The following BMP2K variants were observed in gnomAD, a reference collection of about 807,000 sequenced individuals.
BMP2K encodes the protein BMP-2-inducible protein kinase.
In BMP2K, 74 loss-of-function variants were observed where a neutral mutation model predicts 116.0. The observed-to-expected ratio is 0.64, with a 90% CI of 0.53 to 0.77. The LOEUF is 0.77. Among genes scored for constraint, BMP2K ranks in the 30% least tolerant of loss-of-function variants. BMP2K has a pLI of 0.00. For synonymous variants in BMP2K, 486 were observed against 502.5 expected (o/e 0.97, Z 0.44); for missense variants, 1,365 against 1,403.6 (o/e 0.97, Z 0.44).
intron 5 of BMP2K, among the ~76,000 whole-genome samples, chr4:78,845,798 T>G (rs760643701): frequency 2.0e-5 from 3 of 151,718 alleles, no homozygotes; most frequent in Non-Finnish European, 4.4e-5. Flanking sequence ...CCTAATACTA[T>G]GTCAGAGCCA....
chr4:78,874,626 G>A (rs1732545899), intron 13 of BMP2K, among the ~76,000 whole-genome samples: 1 of 152,102 alleles, frequency 6.6e-6, no homozygotes, highest in African/African-American at 2.4e-5. Context: ...CATATATATT[G>A]TGTATACTTC....
chr4:78,805,102 T>C (rs1455873180), intron 1 of BMP2K, among the ~76,000 whole-genome samples: 1 of 152,230 alleles, frequency 6.6e-6, no homozygotes, highest in Non-Finnish European at 1.5e-5. Context: ...ATGTGAGTTA[T>C]AGGTCAAACT....
At chr4:78,838,019 C>T (rs1256945700) in intron 3 of BMP2K, among the ~76,000 whole-genome samples, 2 of 152,120 alleles carry the variant, frequency 1.3e-5, no homozygotes, top group Non-Finnish European at 2.9e-5. Context: ...GTACTCGAGA[C>T]AGGGCAATTT....
intron 14 of BMP2K, among the ~76,000 whole-genome samples, chr4:78,881,904 A>G (rs1194661574): frequency 6.6e-6 from 1 of 152,052 alleles, no homozygotes; most frequent in African/African-American, 2.4e-5. Flanking sequence ...AATGTAGGAT[A>G]TTTGTACCCT....
chr4:78,869,632 G>T (rs1732233499), intron 10 of BMP2K, among the ~76,000 whole-genome samples: 1 of 152,014 alleles, frequency 6.6e-6, no homozygotes, highest in Non-Finnish European at 1.5e-5. Context: ...TGTACTCCAT[G>T]AATATGTACA....
intron 1 of BMP2K, among the ~76,000 whole-genome samples, chr4:78,822,734 A>G (rs1171755313): frequency 6.6e-6 from 1 of 152,176 alleles, no homozygotes; most frequent in Non-Finnish European, 1.5e-5. Flanking sequence ...CAATAATCTT[A>G]TGATTTGTGT....
At chr4:78,864,249 AAG>A (rs746470017) in intron 9 of BMP2K, among the ~76,000 whole-genome samples, 7 of 151,554 alleles carry the variant, frequency 4.6e-5, no homozygotes, top group Non-Finnish European at 1.0e-4. Flanking sequence ...TGGATAGTTA[AAG>A]AGAGAGATTG....
rs781038280 is a variant in BMP2K at position 78,910,680 on chromosome 4, C to T, written c.2133C>T (p.Asn711=). The T allele has an allele frequency of 2.2e-5, 36 of 1,607,096 alleles. No homozygotes were observed. The highest frequency in any genetic ancestry group is 2.2e-5 in the East Asian group (1 of 44,840). Reference sequence around the variant, plus strand: ...ATGGCACTGCAAACCCTATCAAGAACGGTAAAACAAGTCCAGCATCTAAAG... The same window carrying T: ...ATGGCACTGCAAACCCTATCAAGAATGGTAAAACAAGTCCAGCATCTAAAG... The part of the protein sequence containing the change: ...QENGTANPIK[N]GKTSPASKDQ... The change falls in exon 16 of 16, where the codon AAC becomes AAT. Residue 711 remains asparagine (N), a synonymous_variant. Coordinates refer to ENST00000502613, the MANE Select transcript of BMP2K (RefSeq NM_198892.2).
chr4:78,889,464 C>G (rs1343268483), intron 15 of BMP2K, among the ~76,000 whole-genome samples: 1 of 152,086 alleles, frequency 6.6e-6, no homozygotes, highest in Non-Finnish European at 1.5e-5. Context: ...GTTAAAAAAT[C>G]TAAATATATT....
At chr4:78,783,288 G>C (rs1268631378) in intron 1 of BMP2K, among the ~76,000 whole-genome samples, 1 of 152,106 alleles carries the variant, frequency 6.6e-6, no homozygotes, top group Non-Finnish European at 1.5e-5. Context: ...TGCAACAAAG[G>C]ACACTATATA....
At chr4:78,909,876 C>T (rs927896616) in intron 15 of BMP2K, among the ~76,000 whole-genome samples, 2 of 152,114 alleles carry the variant, frequency 1.3e-5, no homozygotes, top group African/African-American at 2.4e-5. Context: ...ATATTTCTTT[C>T]GTTGAATGAA....
chr4:78,870,925 T>TCACCAG lies in BMP2K; in HGVS notation c.1377_1382dup (p.His459_Gln460dup), dbSNP rs777087113. 6 of 1,608,554 alleles carry TCACCAG rather than the reference T, an allele frequency of 3.7e-6. No individual in the cohort carries two copies. The Admixed American group carries it at 1.0e-4, about 27-fold the overall frequency. ...AACTCCATTTACAGCATCGTCATCC[T>TCACCAG]CACCAGCAGCAGCAGCAGCAGCAGC... On this transcript the variant is annotated inframe_insertion, in exon 11 of 16. Transcript: ENST00000502613.
intron 9 of BMP2K, among the ~76,000 whole-genome samples, chr4:78,865,232 C>T (rs762607189): frequency 2.6e-5 from 4 of 152,124 alleles, no homozygotes; most frequent in Non-Finnish European, 5.9e-5. Flanking sequence ...TGTCCAAAAG[C>T]TTATGAAAAG....
chr4:78,801,529 A>G (rs1463065366), intron 1 of BMP2K, among the ~76,000 whole-genome samples: 5 of 152,068 alleles, frequency 3.3e-5, no homozygotes, highest in Non-Finnish European at 5.9e-5. Context: ...TAGCTTTCTA[A>G]TTTGTCTCCC....
rs540284247 is a variant in BMP2K, at chr4:78,915,905, A to C, written c.*3872A>C. 2 of 151,990 alleles carry C rather than the reference A, an allele frequency of 1.3e-5. No individual in the cohort carries two copies. The highest frequency in any genetic ancestry group is 2.9e-5 in the Non-Finnish European group (2 of 67,892). The allele number at this position is 151,990 out of a possible 1,614,324, so 9.4% of individuals were successfully genotyped here. On this transcript the variant is annotated 3_prime_UTR_variant, in exon 16 of 16. Coordinates refer to ENST00000502613, the MANE Select transcript of BMP2K (RefSeq NM_198892.2). ...AAAAGTCATCTAATAGAAGCTGTATAGAAGCTACTTTTTAATTGCTGGCAA... is the reference window on the plus strand; with the variant it reads ...AAAAGTCATCTAATAGAAGCTGTATCGAAGCTACTTTTTAATTGCTGGCAA...
chr4:78,873,704 G>A (rs558413293), intron 13 of BMP2K, among the ~76,000 whole-genome samples: 19 of 144,038 alleles, frequency 1.3e-4, no homozygotes, highest in African/African-American at 4.3e-4. Flanking sequence ...GTGTGTGTGT[G>A]TATGCATGCA....
chr4:78,907,122 A>G (rs1341912858), intron 15 of BMP2K, among the ~76,000 whole-genome samples: 2 of 152,342 alleles, frequency 1.3e-5, no homozygotes, highest in East Asian at 3.9e-4. Flanking sequence ...GTGAACAGTT[A>G]TATATGGAAT....
chr4:78,828,622 T>A (rs1172008251), intron 2 of BMP2K, among the ~76,000 whole-genome samples: 1 of 152,160 alleles, frequency 6.6e-6, no homozygotes, highest in African/African-American at 2.4e-5. Flanking sequence ...CCCAACATTA[T>A]AACAAAAGAC....
At chr4:78,806,430 G>A (rs1728824354) in intron 1 of BMP2K, among the ~76,000 whole-genome samples, 1 of 152,072 alleles carries the variant, frequency 6.6e-6, no homozygotes, top group African/African-American at 2.4e-5. Flanking sequence ...CTCCTGCCTT[G>A]GCCTACCAGA....
Sources: gnomAD v4.1 joint callset for allele counts (sites outside exome capture counted in the v4.1 genomes callset) on GRCh38, gnomAD v4.1.1 for gene constraint, MANE v1.5 for transcripts, NCBI Gene and HGNC (gene_info 2026-07-23, HGNC 2026-07-21) for gene names.